The following ZNG1B variants were observed in gnomAD, a reference collection of about 807,000 sequenced individuals.
ZNG1B encodes the protein zinc-regulated GTPase metalloprotein activator 1B.
chr2:113,471,616 A>C, the ZNG1B span, among the ~76,000 whole-genome samples: 1 of 148,896 alleles, frequency 6.7e-6, no homozygotes, highest in Non-Finnish European at 1.5e-5. Flanking sequence ...ATATCTCCCA[A>C]TGCTATCCCT....
chr2:113,481,946 T>G, the ZNG1B span: 3 of 560,956 alleles, frequency 5.3e-6, no homozygotes, highest in Non-Finnish European at 9.2e-6. Context: ...CTCTTTATTC[T>G]GTGCATATGT....
the ZNG1B span, among the ~76,000 whole-genome samples, chr2:113,450,401 T>G: frequency 1.3e-5 from 2 of 149,862 alleles, no homozygotes; most frequent in African/African-American, 2.5e-5. Context: ...TTTTCTCCAG[T>G]GTCTGTCCTG....
chr2:113,444,000 CTT>C, the ZNG1B span: 2 of 624,978 alleles, frequency 3.2e-6, no homozygotes, highest in African/African-American at 3.7e-5. Flanking sequence ...AGAAAATAAA[CTT>C]ATTAGGAAGC....
At chr2:113,454,929 T>C in the ZNG1B span, 1 of 862,294 alleles carries the variant, frequency 1.2e-6, no homozygotes, top group Non-Finnish European at 1.7e-6. Flanking sequence ...AAATTTGTGT[T>C]TTAATTATTA....
chr2:113,454,515 C>A, the ZNG1B span, among the ~76,000 whole-genome samples: 1 of 149,324 alleles, frequency 6.7e-6, no homozygotes. Context: ...TTTATATCTT[C>A]TCTAGTGCCT....
At chr2:113,481,588 C>T in the ZNG1B span, 6 of 151,158 alleles carry the variant, frequency 4.0e-5, no homozygotes, top group African/African-American at 1.5e-4. Context: ...ATTTGTTATG[C>T]CATGTTGATC....
At chr2:113,454,792 T>C in the ZNG1B span, 8 of 1,568,510 alleles carry the variant, frequency 5.1e-6, no homozygotes, top group African/African-American at 1.1e-4. Context: ...AGTTGAAAGA[T>C]TGCTATGAGT....
chr2:113,441,098 G>T, the ZNG1B span, among the ~76,000 whole-genome samples: 2 of 152,064 alleles, frequency 1.3e-5, no homozygotes, highest in Non-Finnish European at 1.5e-5. Context: ...TTTAGGGAAG[G>T]TTAGGCTAGG....
At chr2:113,489,125 T>A in the ZNG1B span, among the ~76,000 whole-genome samples, 4 of 152,112 alleles carry the variant, frequency 2.6e-5, no homozygotes, top group South Asian at 8.3e-4. Context: ...AGGTAACCTA[T>A]AAAGGAAAAC....
chr2:113,478,448 T>G, the ZNG1B span, among the ~76,000 whole-genome samples: 1 of 151,824 alleles, frequency 6.6e-6, no homozygotes, highest in Non-Finnish European at 1.5e-5. Context: ...ACTAATTTTT[T>G]TTTTTAATTT....
At chr2:113,439,254 G>C in the ZNG1B span, 1 of 1,477,940 alleles carries the variant, frequency 6.8e-7, no homozygotes, top group Non-Finnish European at 9.1e-7. Flanking sequence ...CTGTTCTTTT[G>C]GCTTCTATTA....
chr2:113,476,205 C>G, the ZNG1B span, among the ~76,000 whole-genome samples: 1 of 152,018 alleles, frequency 6.6e-6, no homozygotes, highest in Non-Finnish European at 1.5e-5. Flanking sequence ...ATTCTTTTTT[C>G]TCTAAACTTC....
At chr2:113,472,072 A>G in the ZNG1B span, among the ~76,000 whole-genome samples, 2 of 147,488 alleles carry the variant, frequency 1.4e-5, no homozygotes, top group African/African-American at 2.6e-5. Context: ...GACTTCCACA[A>G]TGGTTGAACT....
At chr2:113,481,035 C>G in the ZNG1B span, among the ~76,000 whole-genome samples, 12 of 146,030 alleles carry the variant, frequency 8.2e-5, no homozygotes, top group South Asian at 4.4e-4. Context: ...AAAATCGAGG[C>G]CATGAAATTC....
the ZNG1B span, among the ~76,000 whole-genome samples, chr2:113,440,274 C>T: frequency 6.6e-6 from 1 of 151,966 alleles, no homozygotes; most frequent in African/African-American, 2.4e-5. Flanking sequence ...TATTAGAAAC[C>T]TTCGAATGAA....
At chr2:113,462,839 A>G in the ZNG1B span, 1 of 402,150 alleles carries the variant, frequency 2.5e-6, no homozygotes, top group Non-Finnish European at 4.4e-6. Context: ...GCATCCTGTC[A>G]GTTCCTGTCT....
chr2:113,450,698 T>C, the ZNG1B span, among the ~76,000 whole-genome samples: 1 of 145,610 alleles, frequency 6.9e-6, no homozygotes, highest in African/African-American at 2.6e-5. Flanking sequence ...TCCCTGTATG[T>C]GTGTGTTTCT....
At chr2:113,484,424 A>C in the ZNG1B span, among the ~76,000 whole-genome samples, 1,423 of 148,304 alleles carry the variant, frequency 9.6e-3, no homozygotes, top group Middle Eastern at 0.014. Context: ...CCTAGGTTTT[A>C]TGACCTGCTT....
chr2:113,438,470 C>T, the ZNG1B span, among the ~76,000 whole-genome samples: 217 of 152,288 alleles, frequency 1.4e-3, 3 homozygotes, highest in Middle Eastern at 3.4e-3. Context: ...TCAGTAGATT[C>T]CCCTTCCCCA....
Sources: gnomAD v4.1 joint callset for allele counts (sites outside exome capture counted in the v4.1 genomes callset) on GRCh38, gnomAD v4.1.1 for gene constraint, MANE v1.5 for transcripts, NCBI Gene and HGNC (gene_info 2026-07-23, HGNC 2026-07-21) for gene names.